Variants in DDB1 observed in about 807,000 individuals in gnomAD.
The protein encoded by DDB1 is damage specific DNA binding protein 1.
In DDB1, 18 loss-of-function variants were observed where a neutral mutation model predicts 133.1. The observed-to-expected ratio is 0.14, with a 90% CI of 0.09 to 0.20. DDB1 has a LOEUF of 0.20. DDB1 is among the 10% of genes least tolerant of loss of function. The pLI is 1.00. For synonymous variants in DDB1, 580 were observed against 550.5 expected, an observed-to-expected ratio of 1.05 and a Z score of -0.75; for missense variants, 828 against 1,459.2, an observed-to-expected ratio of 0.57 and a Z score of 7.05.
chr11:61,319,444 T>A (rs1856140629), intron 10 of DDB1, among the ~76,000 whole-genome samples: 1 of 151,882 alleles, frequency 6.6e-6, no homozygotes, highest in Admixed American at 6.6e-5. Flanking sequence ...TTTTTCTTTT[T>A]TTTTTTGAGA....
intron 21 of DDB1, among the ~76,000 whole-genome samples, chr11:61,305,719 G>C (rs765881635): frequency 2.6e-5 from 4 of 152,060 alleles, no homozygotes; most frequent in African/African-American, 7.3e-5. Flanking sequence ...CATCGCCTTG[G>C]AGAGAGTCAA....
At position 61,331,581 on chromosome 11, in the gene DDB1, A is replaced by T; in HGVS notation, c.172T>A (p.Tyr58Asn). The change falls in exon 2 of 27, where the codon TAT becomes AAT. Residue 58 changes from tyrosine to asparagine, a missense_variant. Tyr to Asn is a moderately radical substitution (Grantham distance 143). Around this residue, in one of 7 missense-constraint regions of DDB1, gnomAD observed 210 missense variants for 344.8 expected, o/e 0.61. Transcript: ENST00000301764. Reference sequence around the variant, plus strand: ...AGCTCCATGACCGCAATCTTCCCATACATGCCCACCTCTTTGACGGGCCGA... The same window carrying T: ...AGCTCCATGACCGCAATCTTCCCATTCATGCCCACCTCTTTGACGGGCCGA... ...GLRPVKEVGM[Y>N]GKIAVMELFR... is the part of the protein sequence containing the mutation. 1 of 1,614,194 alleles carries T rather than the reference A, an allele frequency of 6.2e-7. No homozygotes were observed. Among genetic ancestry groups the T allele is most frequent in the Non-Finnish European group, 8.5e-7 (1 of 1,180,038 alleles).
chr11:61,326,865 T>C lies in DDB1; in HGVS notation c.578A>G (p.Tyr193Cys), dbSNP rs769020324. 7 of 1,614,048 alleles carry C rather than the reference T, an allele frequency of 4.3e-6. No individual in the cohort carries two copies. Among genetic ancestry groups the C allele is most frequent in the Non-Finnish European group, 5.9e-6 (7 of 1,179,974 alleles). Residue 193 changes from tyrosine to cysteine, a missense_variant, in exon 5 of 27, where the codon TAT (tyrosine) becomes TGT (cysteine). Tyr to Cys is a radical substitution (Grantham distance 194). Transcript: ENST00000301764. ...TTCCTTTTCTCGGAGAGACACCTCA[T>C]AGGTTTTTACGTGCCGCCCCTGAGG... ...QDPQGRHVKT[Y>C]EVSLREKEFN...
At chr11:61,330,661 T>C (rs1040053412) in intron 2 of DDB1, among the ~76,000 whole-genome samples, 10 of 152,074 alleles carry the variant, frequency 6.6e-5, no homozygotes, top group African/African-American at 2.4e-4. Context: ...TTGTTTTTTT[T>C]GTTTGGTGTT....
chr11:61,319,932 T>C (rs1339817086), intron 10 of DDB1, among the ~76,000 whole-genome samples: 1 of 152,236 alleles, frequency 6.6e-6, no homozygotes, highest in African/African-American at 2.4e-5. Context: ...AGGAGTATCT[T>C]TAAGTTTTCC....
chr11:61,325,620 A>G lies in DDB1; in HGVS notation c.753T>C (p.Pro251=). The G allele has an allele frequency of 1.2e-6, 2 of 1,613,806 alleles. No individual in the cohort carries two copies. Among genetic ancestry groups the G allele is most frequent in the Middle Eastern group, 1.7e-4 (1 of 6,050 alleles). The part of the protein sequence containing the change: ...NGDKYLAIAP[P]IIKQSTIVCH... ...GTAGGACTGCGCTCACCTTGATGAT[A>G]GGAGGGGCAATAGCCAGGTATTTGT... Residue 251 remains proline, a synonymous_variant, in exon 6 of 27, where the codon CCT becomes CCC. Transcript: ENST00000301764.
chr11:61,314,165 T>C lies in DDB1; in HGVS notation c.1635A>G (p.Pro545=), dbSNP rs750820087. The C allele has an allele frequency of 6.2e-7, 1 of 1,612,474 alleles. No homozygotes were observed. Among genetic ancestry groups the C allele is most frequent in the South Asian group, 1.1e-5 (1 of 90,720 alleles). Reference sequence around the variant, plus strand: ...GGGACAGTCCATTGCTGTCTCCTAATGGGGTGATGTCCAAGCAAGCCACTT... The same window carrying C: ...GGGACAGTCCATTGCTGTCTCCTAACGGGGTGATGTCCAAGCAAGCCACTT... The part of the protein sequence containing the change: ...EHEVACLDIT[P]LGDSNGLSPL... Residue 545 remains proline (P), a synonymous_variant, in exon 14 of 27, where the codon CCA becomes CCG. Transcript: ENST00000301764.
chr11:61,310,217 C>G (rs1171164595), intron 19 of DDB1, 78 bp downstream of exon 19: 2 of 1,548,084 alleles, frequency 1.3e-6, no homozygotes, highest in African/African-American at 2.7e-5. Context: ...ATCTGTCAGG[C>G]TTTGCAGGTA....
chr11:61,319,959 C>T (rs1221635650), intron 10 of DDB1, among the ~76,000 whole-genome samples: 2 of 152,164 alleles, frequency 1.3e-5, no homozygotes, highest in Non-Finnish European at 2.9e-5. Flanking sequence ...AGGTTTTGCA[C>T]AATTTTGTTA....
intron 9 of DDB1, 111 bp from the exon 10 acceptor site, chr11:61,321,808 G>A: frequency 1.1e-6 from 1 of 951,766 alleles, no homozygotes; most frequent in Non-Finnish European, 1.7e-6. Context: ...TTTATTGTGG[G>A]GCTAGGTTTG....
chr11:61,302,126 A>G, intron 25 of DDB1, 131 bp downstream of exon 25: 1 of 768,808 alleles, frequency 1.3e-6, no homozygotes, highest in Non-Finnish European at 2.1e-6. Flanking sequence ...GTCAAAAACA[A>G]AACAAAACAA....
At chr11:61,321,967 C>G (rs1856187074) in intron 9 of DDB1, 1 of 548,000 alleles carries the variant, frequency 1.8e-6, no homozygotes, top group Non-Finnish European at 3.2e-6. Context: ...AGAATGAGCA[C>G]AGGATCTGTT....
rs775100510 is a variant in DDB1 at position 61,331,552 on chromosome 11, G to C, written c.201C>G (p.Phe67Leu). Residue 67 changes from phenylalanine (F) to leucine (L), a missense_variant, in exon 2 of 27, where the codon TTC (phenylalanine) becomes TTG (leucine). Physicochemically the swap from Phe to Leu is conservative, Grantham distance 22. Transcript: ENST00000301764. ...MYGKIAVMEL[F>L]RPKGESKDLL... ...CAACTGCAACACTTACCTTGGGCCT[G>C]AAAAGCTCCATGACCGCAATCTTCC... The C allele has an allele frequency of 6.2e-7, 1 of 1,613,964 alleles. No individual in the cohort carries two copies.
chr11:61,314,017 T>C (rs750195556), intron 14 of DDB1, 30 bp downstream of exon 14: 1 of 1,614,070 alleles, frequency 6.2e-7, no homozygotes, highest in Admixed American at 1.7e-5. Flanking sequence ...TTTGACTCTG[T>C]CCCAACCCAG....
chr11:61,328,569 T>C (rs1279951119), intron 4 of DDB1, among the ~76,000 whole-genome samples: 7 of 152,100 alleles, frequency 4.6e-5, no homozygotes, highest in African/African-American at 7.2e-5. Flanking sequence ...CAGACTAAAA[T>C]AGAAGTTAAG....
chr11:61,311,744 C>T (rs1164124080), intron 18 of DDB1, 40 bp downstream of exon 18: 9 of 1,567,384 alleles, frequency 5.7e-6, no homozygotes, highest in Non-Finnish European at 6.9e-6. Context: ...GCTTGCTGGC[C>T]CCTGCTCTAA....
chr11:61,300,585 T>C (rs1201941782), intron 26 of DDB1, among the ~76,000 whole-genome samples: 2 of 152,200 alleles, frequency 1.3e-5, no homozygotes, highest in African/African-American at 2.4e-5. Flanking sequence ...GGGGTTAACA[T>C]GGGTAGAGTT....
intron 4 of DDB1, among the ~76,000 whole-genome samples, chr11:61,327,337 C>G (rs547454814): frequency 6.6e-6 from 1 of 151,848 alleles, no homozygotes; most frequent in African/African-American, 2.4e-5. Context: ...GGCATGGGGG[C>G]GCGTGCCTAC....
rs989563980 is a variant in DDB1 at position 61,313,852 on chromosome 11, C to G, written c.1861+10G>C. On this transcript the variant is annotated intron_variant, in intron 15 of 26. Coordinates refer to ENST00000301764, the MANE Select transcript of DDB1 (RefSeq NM_001923.5). ...TTGAAAGAGTCCCTCACTCAAAATA[C>G]TACTCTCACCTGTCTCAATGTTGAG... The G allele has an allele frequency of 6.2e-7, 1 of 1,613,808 alleles. No homozygotes were observed. The highest frequency in any genetic ancestry group is 1.3e-5 in the African/African-American group (1 of 75,044).
Sources: gnomAD v4.1 joint callset for allele counts (sites outside exome capture counted in the v4.1 genomes callset) on GRCh38, gnomAD v4.1.1 for gene constraint, gnomAD v4.1.1 regional missense constraint, MANE v1.5 for transcripts, NCBI Gene and HGNC (gene_info 2026-07-23, HGNC 2026-07-21) for gene names.